Variants in ERICH1 observed in about 807,000 individuals in gnomAD.
ERICH1 encodes the protein glutamate rich 1, also known as glutamate-rich protein 1.
A neutral mutation model predicts 39.6 loss-of-function variants in ERICH1; 56 were observed. The observed-to-expected ratio is 1.41, with a 90% confidence interval of 1.14 to 1.77. The LOEUF (loss-of-function observed/expected upper bound fraction) is 1.77. Among genes scored for constraint, ERICH1 ranks in the 40% most tolerant of loss-of-function variants. The pLI, the probability that ERICH1 is intolerant of heterozygous loss-of-function variation, is 0.00. For synonymous variants in ERICH1, 313 were observed against 223.6 expected (o/e 1.40, Z -3.57); for missense variants, 826 against 575.4 (o/e 1.44, Z -4.45).
intron 2 of ERICH1, among the ~76,000 whole-genome samples, chr8:715,452 C>T (rs147773057): frequency 1.9e-4 from 29 of 152,292 alleles, no homozygotes; most frequent in Non-Finnish European, 1.5e-4. Context: ...CCAAAGACCA[C>T]GGGACAAGAA....
rs1361685576 is a variant in ERICH1, at chr8:673,346, T to C, written c.1006A>G (p.Lys336Glu). The C allele has an allele frequency of 6.2e-6, 10 of 1,613,790 alleles. No homozygotes were observed. Among genetic ancestry groups the C allele is most frequent in the Non-Finnish European group, 8.5e-6 (10 of 1,179,864 alleles). Residue 336 changes from lysine to glutamate, a missense_variant, in exon 4 of 6, where the codon AAG becomes GAG. Lys to Glu is a moderately conservative substitution (Grantham distance 56, BLOSUM62 1). Transcript: ENST00000262109. ...AAAAAATTTAGAATACTGTGTGCCT[T>C]TTCATTGGTAATTGTATCATCTTCC... ...SEEDDTITNE[K>E]AHSILNFLKS...
At chr8:708,694 T>TG in intron 2 of ERICH1, among the ~76,000 whole-genome samples, 2 of 128,370 alleles carry the variant, frequency 1.6e-5, no homozygotes, top group African/African-American at 3.0e-5. Flanking sequence ...TTTTTTTTTT[T>TG]TTTTTTTTTT....
At chr8:687,164 G>C (rs949287207) in intron 3 of ERICH1, among the ~76,000 whole-genome samples, 2 of 152,194 alleles carry the variant, frequency 1.3e-5, no homozygotes, top group African/African-American at 4.8e-5. Flanking sequence ...ACTGGTGCTT[G>C]CTGCTAGAAT....
At chr8:693,269 T>A (rs1809349873) in intron 2 of ERICH1, among the ~76,000 whole-genome samples, 1 of 151,624 alleles carries the variant, frequency 6.6e-6, no homozygotes, top group South Asian at 2.1e-4. Flanking sequence ...CAGACACACA[T>A]ACATCTTCAG....
At chr8:713,836 C>T (rs1386707189) in intron 2 of ERICH1, among the ~76,000 whole-genome samples, 1 of 152,188 alleles carries the variant, frequency 6.6e-6, no homozygotes, top group Admixed American at 6.5e-5. Flanking sequence ...TGAGAGACCA[C>T]CACTATACAA....
chr8:632,923 A>G (rs1798134899), intron 3 of ERICH1, among the ~76,000 whole-genome samples: 1 of 152,240 alleles, frequency 6.6e-6, no homozygotes, highest in African/African-American at 2.4e-5. Flanking sequence ...CACGGTGCAC[A>G]GGATGCCCCA....
At chr8:617,921 T>G (rs1190147866) in intron 3 of ERICH1, among the ~76,000 whole-genome samples, 1 of 140,404 alleles carries the variant, frequency 7.1e-6, no homozygotes, top group African/African-American at 2.7e-5. Flanking sequence ...CTCACTGCCC[T>G]CTGAGTGCTC....
At chr8:630,911 C>A (rs1222510724) in intron 3 of ERICH1, among the ~76,000 whole-genome samples, 1 of 150,140 alleles carries the variant, frequency 6.7e-6, no homozygotes, top group Non-Finnish European at 1.5e-5. Context: ...GACTCACACC[C>A]TCCCGTGACC....
intron 4 of ERICH1, among the ~76,000 whole-genome samples, chr8:671,029 G>T (rs568972654): frequency 1.1e-4 from 16 of 151,786 alleles, no homozygotes; most frequent in African/African-American, 3.9e-4. Context: ...GCCGGCCCCT[G>T]CTCCAACACC....
At chr8:616,306 A>G (rs1055740807) in intron 3 of ERICH1, 2 of 311,416 alleles carry the variant, frequency 6.4e-6, no homozygotes, top group South Asian at 5.2e-5. Flanking sequence ...CAGGACAAGC[A>G]TGGGGCAAGA....
chr8:711,889 T>G (rs1814822508), intron 2 of ERICH1, among the ~76,000 whole-genome samples: 1 of 152,192 alleles, frequency 6.6e-6, no homozygotes, highest in Non-Finnish European at 1.5e-5. Flanking sequence ...CCAGCCCCAT[T>G]TGTTGAAAAG....
chr8:639,881 GCT>G (rs1479748287), intron 3 of ERICH1, among the ~76,000 whole-genome samples: 1 of 152,194 alleles, frequency 6.6e-6, no homozygotes, highest in Non-Finnish European at 1.5e-5. Context: ...TTCAGAACCA[GCT>G]CTGTTGTTCA....
At chr8:724,555 G>C (rs1818130323) in intron 1 of ERICH1, among the ~76,000 whole-genome samples, 1 of 152,150 alleles carries the variant, frequency 6.6e-6, no homozygotes, top group Non-Finnish European at 1.5e-5. Context: ...AGCCCACTCA[G>C]TTCTCGGAGT....
chr8:643,384 CAG>C (rs1316891772), intron 3 of ERICH1, among the ~76,000 whole-genome samples: 5 of 152,196 alleles, frequency 3.3e-5, no homozygotes, highest in Non-Finnish European at 5.9e-5. Context: ...CTGGGTGCCT[CAG>C]AGTCTGGCAC....
chr8:727,880 GGGGGCACTGT>G (rs1819138654), intron 1 of ERICH1, among the ~76,000 whole-genome samples: 1 of 152,230 alleles, frequency 6.6e-6, no homozygotes, highest in East Asian at 1.9e-4. Flanking sequence ...GACGAATGCA[GGGGGCACTGT>G]GGGGCAGGGA....
At chr8:666,731 G>A (rs1802306705) in intron 5 of ERICH1, 1 of 152,316 alleles carries the variant, frequency 6.6e-6, no homozygotes, top group African/African-American at 2.4e-5. Context: ...GCCCAGCACT[G>A]CGCTCTGGGC....
At chr8:671,931 C>T (rs181970582) in intron 4 of ERICH1, 6 of 159,702 alleles carry the variant, frequency 3.8e-5, no homozygotes, top group Admixed American at 1.9e-4. Context: ...CCAGGCTCTG[C>T]TTTTGGTTTC....
chr8:697,572 G>A (rs1810619007), intron 2 of ERICH1, among the ~76,000 whole-genome samples: 1 of 152,150 alleles, frequency 6.6e-6, no homozygotes. Flanking sequence ...CCCTCACCTG[G>A]CACGGAGCTG....
At position 664,344 on chromosome 8, in the gene ERICH1, ATAAG is replaced by A. The variant is rs1801870141; in HGVS notation, c.*255_*258del. The A allele has an allele frequency of 9.0e-7, 1 of 1,115,114 alleles. No individual in the cohort carries two copies. The highest frequency in any genetic ancestry group is 1.1e-6 in the Non-Finnish European group (1 of 913,960). 69.1% of individuals were successfully genotyped at this position (1,115,114 alleles called of 1,614,324 possible). ...AGAATGTCCATTTTCAATTTTTACA[ATAAG>A]TAGAGAAACAGAATCAAGTTTTATG... On this transcript the variant is annotated 3_prime_UTR_variant, in exon 6 of 6. Transcript: ENST00000262109.
Sources: allele counts gnomAD v4.1 joint callset (sites outside exome capture counted in the v4.1 genomes callset), GRCh38; gene constraint gnomAD v4.1.1; transcripts MANE v1.5; gene names NCBI Gene and HGNC (gene_info 2026-07-23, HGNC 2026-07-21).